Variants in DSTN observed in about 807,000 individuals in gnomAD.
DSTN encodes the protein destrin.
In DSTN, 10 loss-of-function variants were observed where a neutral mutation model predicts 16.8. That is an observed-to-expected ratio of 0.60 (90% CI 0.37 to 1.01). The LOEUF is 1.01. Among genes scored for constraint, DSTN ranks in the 50% least tolerant of loss-of-function variants. DSTN has a pLI of 0.01. For synonymous variants in DSTN, 57 were observed against 58.9 expected (o/e 0.97, Z 0.14); for missense variants, 141 against 196.7 (o/e 0.72, Z 1.69).
At chr20:17,604,710 C>G (rs2035622826) in intron 3 of DSTN, 79 bp downstream of exon 3, 13 of 1,402,048 alleles carry the variant, frequency 9.3e-6, no homozygotes, top group Non-Finnish European at 3.9e-6. Flanking sequence ...TGAGAAGCAC[C>G]TTATTTTTTT....
At chr20:17,600,576 G>A (rs2035575442) in intron 1 of DSTN, among the ~76,000 whole-genome samples, 162 bp from the exon 2 acceptor site, 1 of 152,090 alleles carries the variant, frequency 6.6e-6, no homozygotes, top group Non-Finnish European at 1.5e-5. Context: ...AAAGTTTGAT[G>A]TCTAAAATTA....
chr20:17,570,116 G>T lies in DSTN; in HGVS notation c.-93G>T. On this transcript the variant is annotated 5_prime_UTR_variant, in exon 1 of 4. Coordinates refer to ENST00000246069, the MANE Select transcript of DSTN (RefSeq NM_006870.4). ...GCGCCGCCGCGTCAGCTCAGCGCTG[G>T]GTCTCTCGGTCCCGCAGCCGTGAGG... The T allele has an allele frequency of 8.7e-6, 13 of 1,499,552 alleles. No homozygotes were observed. In the South Asian group the frequency reaches 1.5e-4, roughly 17 times the overall value. 92.9% of individuals were successfully genotyped at this position (1,499,552 alleles called of 1,614,324 possible).
At chr20:17,572,671 A>G (rs1377360914) in intron 1 of DSTN, among the ~76,000 whole-genome samples, 1 of 152,254 alleles carries the variant, frequency 6.6e-6, no homozygotes, top group African/African-American at 2.4e-5. Context: ...ACTACAACCC[A>G]GTGAAATAGG....
intron 1 of DSTN, among the ~76,000 whole-genome samples, chr20:17,591,023 G>C (rs932328586): frequency 2.0e-5 from 3 of 152,290 alleles, no homozygotes; most frequent in African/African-American, 7.2e-5. Context: ...TAAGAGGATC[G>C]CTTGAGCCCG....
At position 17,583,735 on chromosome 20, in the gene DSTN, C is replaced by CTTTTTTTTTTTTTTTTTTTTTTTTTT; in HGVS notation, c.3+13547_3+13548insTTTTTTTTTTTTTTTTTTTTTTTTTT. Among the ~76,000 whole-genome samples the CTTTTTTTTTTTTTTTTTTTTTTTTTT allele has an allele frequency of 9.7e-5, 7 of 72,484 alleles. 1 individual carries two copies. The highest frequency in any genetic ancestry group is 4.9e-4 in the East Asian group (1 of 2,060). 47.6% of individuals were successfully genotyped at this position (72,484 alleles called of 152,430 possible). ...ATGACTGCTAATGGGTTTGGAGTTT[C>CTTTTTTTTTTTTTTTTTTTTTTTTTT]TTTTTTTTTTTTTTTTTTTTTTTGA... On this transcript the variant is annotated intron_variant, in intron 1 of 3. Coordinates refer to ENST00000246069, the MANE Select transcript of DSTN (RefSeq NM_006870.4).
chr20:17,607,305 T>C lies in DSTN; in HGVS notation c.*159T>C. On this transcript the variant is annotated 3_prime_UTR_variant, in exon 4 of 4. Coordinates refer to ENST00000246069, the MANE Select transcript of DSTN (RefSeq NM_006870.4). Reference sequence around the variant, plus strand: ...ATAAACATATGCAAACAGCCCTAAATAAATCTAAAGTCTAAAGTTTTATTG... The same window carrying C: ...ATAAACATATGCAAACAGCCCTAAACAAATCTAAAGTCTAAAGTTTTATTG... 1.9e-6 allele frequency: 1 copy of C among 532,628 alleles called. No individual in the cohort carries two copies. Among genetic ancestry groups the C allele is most frequent in the Non-Finnish European group, 3.1e-6 (1 of 319,570 alleles). The allele number at this position is 532,628 out of a possible 1,614,324, so 33.0% of individuals were successfully genotyped here.
rs1011780793 is a variant in DSTN, at chr20:17,607,600, A to C, written c.*454A>C. The C allele has an allele frequency of 6.5e-6, 1 of 154,036 alleles. No individual in the cohort carries two copies. The highest frequency in any genetic ancestry group is 1.4e-5 in the Non-Finnish European group (1 of 69,322). The allele number at this position is 154,036 out of a possible 1,614,324, so 9.5% of individuals were successfully genotyped here. A position where few individuals can be genotyped will look rare whatever the true frequency, so the allele number is the denominator to read the frequency against. ...ATATAATATGTCTTCATAATATAAC[A>C]ACACTAATACACTAATAGTAAGATT... On this transcript the variant is annotated 3_prime_UTR_variant, in exon 4 of 4. Coordinates refer to ENST00000246069, the MANE Select transcript of DSTN (RefSeq NM_006870.4).
intron 1 of DSTN, among the ~76,000 whole-genome samples, chr20:17,572,959 T>C (rs1179277754): frequency 6.6e-6 from 1 of 152,204 alleles, no homozygotes; most frequent in African/African-American, 2.4e-5. Context: ...ACCATTCCTG[T>C]GTCAAAGACA....
At chr20:17,574,875 T>TTTG (rs1391115748) in intron 1 of DSTN, among the ~76,000 whole-genome samples, 1 of 127,404 alleles carries the variant, frequency 7.8e-6, no homozygotes, top group Non-Finnish European at 1.6e-5. Flanking sequence ...CTTTTGTTTT[T>TTTG]TTTTTTTTTT....
intron 1 of DSTN, chr20:17,576,441 C>T: frequency 6.2e-6 from 1 of 161,892 alleles, no homozygotes. Flanking sequence ...GCCTAGCCAG[C>T]CAGATCAGCC....
intron 1 of DSTN, among the ~76,000 whole-genome samples, chr20:17,580,378 A>T (rs986248954): frequency 1.1e-4 from 16 of 152,190 alleles, no homozygotes; most frequent in African/African-American, 3.1e-4. Flanking sequence ...TTGCAATCTG[A>T]TATGGAGGAA....
intron 2 of DSTN, among the ~76,000 whole-genome samples, chr20:17,603,538 T>C (rs2035609192): frequency 6.6e-6 from 1 of 152,208 alleles, no homozygotes; most frequent in Non-Finnish European, 1.5e-5. Flanking sequence ...CAGTGTGGCA[T>C]GGAGGTGGGC....
rs1267810417 is a variant in DSTN, at chr20:17,608,154, A to G, written c.*1008A>G. The G allele has an allele frequency of 6.6e-6, 1 of 152,216 alleles. No homozygotes were observed. The highest frequency in any genetic ancestry group is 1.5e-5 in the Non-Finnish European group (1 of 68,050). The allele number at this position is 152,216 out of a possible 1,614,324, so 9.4% of individuals were successfully genotyped here. On this transcript the variant is annotated 3_prime_UTR_variant, in exon 4 of 4. Transcript: ENST00000246069. The stretch of plus-strand genomic sequence containing the variant: ...GGTCATTGTTAATATCACGGGCGTA[A>G]CACTTTGAACGATATAGAGATGCAC...
intron 1 of DSTN, 43 bp downstream of exon 1, chr20:17,570,254 A>G: frequency 6.8e-7 from 1 of 1,476,324 alleles, no homozygotes; most frequent in Middle Eastern, 2.4e-4. Context: ...GGCGGCCGGG[A>G]GCAGTGTGTC....
intron 1 of DSTN, among the ~76,000 whole-genome samples, 176 bp downstream of exon 1, chr20:17,570,387 C>T (rs1368540797): frequency 2.6e-5 from 4 of 151,846 alleles, no homozygotes; most frequent in African/African-American, 7.3e-5. Flanking sequence ...CGTCTCCCGC[C>T]GTCCTGGCTG....
At chr20:17,606,314 A>G (rs1037904080) in intron 3 of DSTN, among the ~76,000 whole-genome samples, 1 of 152,234 alleles carries the variant, frequency 6.6e-6, no homozygotes, top group Admixed American at 6.5e-5. Context: ...TATGTAATCC[A>G]TAATTGAGCT....
chr20:17,600,379 G>C (rs1174358806), intron 1 of DSTN, among the ~76,000 whole-genome samples: 1 of 152,140 alleles, frequency 6.6e-6, no homozygotes, highest in Non-Finnish European at 1.5e-5. Flanking sequence ...TAGGTATCAT[G>C]AATATACACA....
chr20:17,584,806 A>G (rs1250895223), intron 1 of DSTN, among the ~76,000 whole-genome samples: 2 of 152,294 alleles, frequency 1.3e-5, no homozygotes, highest in South Asian at 4.1e-4. Context: ...TATACTGTAC[A>G]TGTAACTTTA....
intron 1 of DSTN, among the ~76,000 whole-genome samples, chr20:17,574,870 G>GTGTTTTT (rs2035257816): frequency 1.2e-5 from 1 of 81,158 alleles, no homozygotes; most frequent in South Asian, 5.9e-4. Context: ...CTTTTCTTTT[G>GTGTTTTT]TTTTTTTTTT....
Sources: gnomAD v4.1 joint callset for allele counts (sites outside exome capture counted in the v4.1 genomes callset) on GRCh38, gnomAD v4.1.1 for gene constraint, MANE v1.5 for transcripts, NCBI Gene and HGNC (gene_info 2026-07-23, HGNC 2026-07-21) for gene names.